The following GRM5 variants were observed in gnomAD, a reference collection of about 807,000 sequenced individuals.
The protein encoded by GRM5 is metabotropic glutamate receptor 5.
Under a neutral mutation model 83.1 loss-of-function variants are expected in GRM5, and 19 were observed. The ratio of observed to expected loss-of-function variants is 0.23; its 90% CI spans 0.16 to 0.34. GRM5 has a LOEUF of 0.34. GRM5 is among the 10% of genes least tolerant of loss of function. The pLI is 1.00. For synonymous variants in GRM5, 675 were observed against 633.6 expected (o/e 1.07, Z -0.98); for missense variants, 1,160 against 1,588.3 (o/e 0.73, Z 4.58).
intron 7 of GRM5, among the ~76,000 whole-genome samples, chr11:88,575,324 A>G (rs1030649529): frequency 3.3e-5 from 5 of 152,250 alleles, no homozygotes; most frequent in South Asian, 2.1e-4. Context: ...CATTATCTCT[A>G]TTTTTCAGAG....
intron 3 of GRM5, among the ~76,000 whole-genome samples, chr11:88,686,840 C>A (rs549501229): frequency 6.6e-6 from 1 of 152,024 alleles, no homozygotes; most frequent in African/African-American, 2.4e-5. Context: ...TTCCCAGTCT[C>A]AGGTTTGTCT....
At chr11:88,635,248 C>T (rs1939085606) in intron 4 of GRM5, among the ~76,000 whole-genome samples, 1 of 152,104 alleles carries the variant, frequency 6.6e-6, no homozygotes, top group South Asian at 2.1e-4. Context: ...GAAACTCCAT[C>T]CTATTTTCCA....
In GRM5 at chr11:88,819,017, T is replaced by A. The variant is rs144527608; in HGVS notation, c.911+30889A>T. On this transcript the variant is annotated intron_variant, in intron 3 of 9. Coordinates refer to ENST00000305447, the MANE Select transcript of GRM5 (RefSeq NM_001143831.3). ...TTTTTTCCTTCCAATTCTTATTCTA[T>A]AATTAGTCACATTGGTTTAAACTTC... Among the ~76,000 whole-genome samples the A allele has an allele frequency of 3.6e-3, 547 of 152,328 alleles. 4 individuals are homozygous for A. The highest frequency in any genetic ancestry group is 0.012 in the African/African-American group (493 of 41,562).
chr11:88,896,424 T>A (rs1460280459), intron 2 of GRM5, among the ~76,000 whole-genome samples: 1 of 151,820 alleles, frequency 6.6e-6, no homozygotes, highest in Non-Finnish European at 1.5e-5. Context: ...AGAGTTGAGA[T>A]GGGGCAGAGT....
intron 2 of GRM5, among the ~76,000 whole-genome samples, chr11:88,853,779 T>C (rs1197869497): frequency 6.6e-6 from 1 of 151,776 alleles, no homozygotes; most frequent in Admixed American, 6.6e-5. Flanking sequence ...AAAGTAATTG[T>C]CTTCTCTCTG....
chr11:88,585,943 C>A (rs991024121), intron 7 of GRM5, among the ~76,000 whole-genome samples: 1 of 152,010 alleles, frequency 6.6e-6, no homozygotes, highest in Non-Finnish European at 1.5e-5. Context: ...TCTTTCATGT[C>A]TTCTTGGTTT....
intron 3 of GRM5, among the ~76,000 whole-genome samples, chr11:88,702,661 T>A (rs1214427536): frequency 6.6e-6 from 1 of 152,148 alleles, no homozygotes; most frequent in Non-Finnish European, 1.5e-5. Context: ...AATTCATATG[T>A]TGAAGCCCAA....
At chr11:88,967,374 T>G (rs1245092267) in intron 2 of GRM5, among the ~76,000 whole-genome samples, 1 of 151,460 alleles carries the variant, frequency 6.6e-6, no homozygotes, top group Non-Finnish European at 1.5e-5. Context: ...CCATTGTATG[T>G]TGCTGTAACA....
At position 88,789,660 on chromosome 11, in the gene GRM5, C is replaced by T. The variant is rs1591517720; in HGVS notation, c.911+60246G>A. On this transcript the variant is annotated intron_variant, in intron 3 of 9. Transcript: ENST00000305447. The stretch of plus-strand genomic sequence containing the variant: ...ATATTAAAAATGCAAAGGAAATTTT[C>T]TAACTCCTCAAACCACACACCAGTG... Among the ~76,000 whole-genome samples the T allele has an allele frequency of 2.0e-5, 3 of 152,218 alleles. No individual in the cohort carries two copies. In the East Asian group the frequency reaches 5.8e-4, roughly 29 times the overall value.
chr11:88,564,591 G>A (rs112559711), intron 8 of GRM5, among the ~76,000 whole-genome samples: 7 of 152,156 alleles, frequency 4.6e-5, no homozygotes, highest in African/African-American at 1.7e-4. Context: ...AGTACAACTA[G>A]GGAGTAAGAG....
intron 1 of GRM5, among the ~76,000 whole-genome samples, chr11:89,051,468 G>A (rs866150940): frequency 6.6e-5 from 10 of 152,112 alleles, no homozygotes; most frequent in Middle Eastern, 3.4e-3. Flanking sequence ...CCAGCACTTT[G>A]GGAGGCCGAG....
At chr11:88,906,518 G>C (rs749289601) in intron 2 of GRM5, among the ~76,000 whole-genome samples, 1 of 152,022 alleles carries the variant, frequency 6.6e-6, no homozygotes, top group Non-Finnish European at 1.5e-5. Flanking sequence ...GTTTTCATTT[G>C]TTTCATTTCT....
At chr11:88,996,334 G>A (rs1407586479) in intron 2 of GRM5, among the ~76,000 whole-genome samples, 2 of 152,116 alleles carry the variant, frequency 1.3e-5, no homozygotes, top group African/African-American at 2.4e-5. Flanking sequence ...AATGGTATTT[G>A]GTGTACTTGG....
chr11:89,038,991 C>A (rs534545126), intron 2 of GRM5, among the ~76,000 whole-genome samples: 1 of 152,058 alleles, frequency 6.6e-6, no homozygotes, highest in African/African-American at 2.4e-5. Context: ...TATGGTCAGG[C>A]GCGGTGGCTC....
chr11:88,972,834 A>G (rs1457177361), intron 2 of GRM5, among the ~76,000 whole-genome samples: 1 of 152,164 alleles, frequency 6.6e-6, no homozygotes, highest in Non-Finnish European at 1.5e-5. Context: ...TGTTACCATC[A>G]TCAATAATGA....
intron 3 of GRM5, among the ~76,000 whole-genome samples, chr11:88,673,730 A>G (rs1940249746): frequency 6.6e-6 from 1 of 151,824 alleles, no homozygotes; most frequent in Non-Finnish European, 1.5e-5. Flanking sequence ...GTTAGAGCAT[A>G]AGTCATATCT....
At chr11:88,653,138 C>A in intron 4 of GRM5, 30 bp downstream of exon 4, 3 of 1,301,868 alleles carry the variant, frequency 2.3e-6, no homozygotes, top group Non-Finnish European at 3.3e-6. Context: ...TAGCCTTATG[C>A]ATTTTAAATG....
At chr11:88,649,761 T>G (rs1037491936) in intron 4 of GRM5, among the ~76,000 whole-genome samples, 2 of 151,614 alleles carry the variant, frequency 1.3e-5, no homozygotes, top group Admixed American at 1.3e-4. Flanking sequence ...AAGAAAAATA[T>G]ACACTAATAC....
chr11:88,941,483 AGAGGAGGGGAGAGGAGGGGAGAG>A (rs1938097718), intron 2 of GRM5, among the ~76,000 whole-genome samples: 1 of 72,462 alleles, frequency 1.4e-5, no homozygotes, highest in Non-Finnish European at 2.2e-5. Flanking sequence ...AGGGGAGGGG[AGAGGAGGGGAGAGGAGGGGAGAG>A]GAGGGGAGAG....
Sources: allele counts gnomAD v4.1 joint callset (sites outside exome capture counted in the v4.1 genomes callset), GRCh38; gene constraint gnomAD v4.1.1; transcripts MANE v1.5; gene names NCBI Gene and HGNC (gene_info 2026-07-23, HGNC 2026-07-21).